CPQ: variants seen among roughly 807,000 people sequenced by gnomAD.
The protein encoded by CPQ is carboxypeptidase Q, also known as Ser-Met dipeptidase.
A neutral mutation model predicts 45.7 loss-of-function variants in CPQ; 37 were observed. That is an observed-to-expected ratio of 0.81 (90% CI 0.62 to 1.07). The LOEUF is 1.07. Ranked by LOEUF, CPQ falls within the 50% of genes least tolerant of loss-of-function variation. CPQ has a pLI of 0.00. For missense variants in CPQ, 537 were observed against 572.9 expected (o/e 0.94, Z 0.64); for synonymous variants, 186 against 205.8 (o/e 0.90, Z 0.82).
Position 96,774,834 on chromosome 8 carries a change from A to G in CPQ, c.-34-10030A>G, listed in dbSNP as rs953691074. ...TTGCTTATGGTGTTAAGTAGTGTAAACAATATATTTAATTATGGATCCCCA... is the reference window on the plus strand; with the variant it reads ...TTGCTTATGGTGTTAAGTAGTGTAAGCAATATATTTAATTATGGATCCCCA... On this transcript the variant is annotated intron_variant, in intron 1 of 7. Transcript: ENST00000220763. Among the ~76,000 whole-genome samples, 7 of 152,192 alleles carry G rather than the reference A, an allele frequency of 4.6e-5. 1 individual carries two copies. Among genetic ancestry groups the G allele is most frequent in the African/African-American group, 1.7e-4 (7 of 41,452 alleles).
At chr8:96,874,117 T>C (rs980529939) in intron 3 of CPQ, among the ~76,000 whole-genome samples, 3 of 151,848 alleles carry the variant, frequency 2.0e-5, no homozygotes, top group Admixed American at 6.6e-5. Flanking sequence ...TTAAGACTTA[T>C]ATTTGTTCAT....
chr8:96,930,533 T>C (rs1307524472), intron 4 of CPQ, among the ~76,000 whole-genome samples: 1 of 152,204 alleles, frequency 6.6e-6, no homozygotes, highest in Admixed American at 6.5e-5. Context: ...GAGGATGATT[T>C]TTTTTGGAGA....
At chr8:96,664,733 A>G (rs996355224) in intron 1 of CPQ, among the ~76,000 whole-genome samples, 2 of 152,246 alleles carry the variant, frequency 1.3e-5, no homozygotes, top group Non-Finnish European at 2.9e-5. Context: ...TTAACCACCA[A>G]GTAAAGTTGT....
At position 96,785,470 on chromosome 8, in the gene CPQ, T is replaced by C. The variant is rs186666770; in HGVS notation, c.433+140T>C. ...GCTTAATGAGTTCTCTACCCTTTTT[T>C]GTCCTCCCATTTTTTACTTCTGTTT... On this transcript the variant is annotated intron_variant, in intron 2 of 7. Coordinates refer to ENST00000220763, the MANE Select transcript of CPQ (RefSeq NM_016134.4). 6.8e-4 allele frequency: 468 copies of C among 691,050 alleles called. 5 individuals are homozygous for C. In the African/African-American group the frequency reaches 7.9e-3, roughly 12 times the overall value. The allele number at this position is 691,050 out of a possible 1,614,324, so 42.8% of individuals were successfully genotyped here.
At chr8:96,788,079 TTTC>T (rs1314333008) in intron 2 of CPQ, among the ~76,000 whole-genome samples, 3 of 151,378 alleles carry the variant, frequency 2.0e-5, no homozygotes, top group Non-Finnish European at 2.9e-5. Context: ...CTTTTCTTTC[TTTC>T]TTTTTTTTTT....
chr8:97,110,675 T>G (rs1811486167), intron 7 of CPQ, among the ~76,000 whole-genome samples: 1 of 152,212 alleles, frequency 6.6e-6, no homozygotes, highest in Admixed American at 6.5e-5. Context: ...ACTGCCTATA[T>G]TCTTAGAGCA....
intron 4 of CPQ, 133 bp downstream of exon 4, chr8:96,880,138 A>G: frequency 1.4e-6 from 1 of 721,420 alleles, no homozygotes; most frequent in Non-Finnish European, 2.3e-6. Flanking sequence ...CAGAAGCTTT[A>G]TATATATTTT....
chr8:96,721,336 T>C (rs1425051929), intron 1 of CPQ, among the ~76,000 whole-genome samples: 1 of 152,066 alleles, frequency 6.6e-6, no homozygotes, highest in Non-Finnish European at 1.5e-5. Context: ...TTGTGAGTTT[T>C]TATTCTCTCA....
At chr8:96,848,272 A>G (rs1349415138) in intron 3 of CPQ, among the ~76,000 whole-genome samples, 1 of 152,210 alleles carries the variant, frequency 6.6e-6, no homozygotes, top group Admixed American at 6.5e-5. Flanking sequence ...TTGTAGGGGT[A>G]GGAACTTACA....
chr8:97,026,347 G>A (rs985473864), intron 5 of CPQ, among the ~76,000 whole-genome samples: 1 of 152,138 alleles, frequency 6.6e-6, no homozygotes, highest in Non-Finnish European at 1.5e-5. Flanking sequence ...AAGAGATTAG[G>A]TATTATAATT....
At chr8:96,971,020 T>C (rs529437284) in intron 5 of CPQ, among the ~76,000 whole-genome samples, 1 of 152,352 alleles carries the variant, frequency 6.6e-6, no homozygotes, top group African/African-American at 2.4e-5. Flanking sequence ...GTAATTTCTT[T>C]ATTTGTAAAT....
chr8:96,851,744 G>C (rs1586426183), intron 3 of CPQ, among the ~76,000 whole-genome samples: 1 of 152,104 alleles, frequency 6.6e-6, no homozygotes, highest in East Asian at 1.9e-4. Flanking sequence ...AACGAAAGGG[G>C]GAAAACTGCA....
intron 3 of CPQ, among the ~76,000 whole-genome samples, chr8:96,879,483 T>A (rs537866278): frequency 1.3e-5 from 2 of 152,332 alleles, no homozygotes; most frequent in South Asian, 4.1e-4. Context: ...CTTGTACAGA[T>A]GTGTGTACCT....
In CPQ at chr8:96,821,320, G is replaced by T. The variant is rs186542395; in HGVS notation, c.434-13653G>T. On this transcript the variant is annotated intron_variant, in intron 2 of 7. Coordinates refer to ENST00000220763, the MANE Select transcript of CPQ (RefSeq NM_016134.4). ...TAATCCCAATTATATATTTTTGCTT[G>T]GGTTGCCTGTGCTTTTCAGGTCTTA... Among the ~76,000 whole-genome samples the T allele has an allele frequency of 6.4e-3, 965 of 151,296 alleles. 16 individuals are homozygous for T. The highest frequency in any genetic ancestry group is 0.022 in the African/African-American group (922 of 41,320).
chr8:96,686,447 A>T (rs539771299), intron 1 of CPQ, among the ~76,000 whole-genome samples: 8 of 152,062 alleles, frequency 5.3e-5, no homozygotes, highest in South Asian at 2.1e-4. Context: ...TTCATAATTT[A>T]TTGAGATGGT....
At chr8:96,762,317 T>A (rs757743511) in intron 1 of CPQ, among the ~76,000 whole-genome samples, 1 of 152,144 alleles carries the variant, frequency 6.6e-6, no homozygotes, top group Non-Finnish European at 1.5e-5. Flanking sequence ...TGGGTCCAGA[T>A]TGAAGTTATG....
At chr8:97,006,754 C>T (rs910560255) in intron 5 of CPQ, among the ~76,000 whole-genome samples, 1 of 152,092 alleles carries the variant, frequency 6.6e-6, no homozygotes, top group East Asian at 1.9e-4. Flanking sequence ...CCAGGAGGAC[C>T]CAGGTGCACC....
intron 5 of CPQ, among the ~76,000 whole-genome samples, chr8:96,978,930 A>G (rs538593010): frequency 6.6e-6 from 1 of 152,230 alleles, no homozygotes; most frequent in South Asian, 2.1e-4. Context: ...TGCCCACTTC[A>G]TGTCAGGCAA....
chr8:96,909,961 C>T lies in CPQ; in HGVS notation c.849+29956C>T, dbSNP rs368582992. Among the ~76,000 whole-genome samples, 19 of 152,226 alleles carry T rather than the reference C, an allele frequency of 1.2e-4. No homozygotes were observed. The East Asian group carries it at 1.7e-3, about 14-fold the overall frequency. ...ACTGCCCTTTCCTTTGTGTAGTGCT[C>T]GACCAGGTTGAGCACGGGATTTGGA... On this transcript the variant is annotated intron_variant, in intron 4 of 7. Transcript: ENST00000220763.
Sources: allele counts gnomAD v4.1 joint callset (sites outside exome capture counted in the v4.1 genomes callset), GRCh38; gene constraint gnomAD v4.1.1; transcripts MANE v1.5; gene names NCBI Gene and HGNC (gene_info 2026-07-23, HGNC 2026-07-21).